ING5: variants seen among roughly 807,000 people sequenced by gnomAD.
ING5 encodes inhibitor of growth family member 5, also known as inhibitor of growth protein 5.
A neutral mutation model predicts 37.4 loss-of-function variants in ING5; 17 were observed. That is an observed-to-expected ratio of 0.45 (90% CI 0.31 to 0.68). ING5 has a LOEUF of 0.68. ING5 is among the 30% of genes least tolerant of loss of function. The pLI is 0.05. For synonymous variants in ING5, 123 were observed against 116.6 expected, an observed-to-expected ratio of 1.06 and a Z score of -0.36; for missense variants, 233 against 311.9, an observed-to-expected ratio of 0.75 and a Z score of 1.91.
chr2:241,707,819 C>G (rs934672612), intron 2 of ING5, among the ~76,000 whole-genome samples: 5 of 152,182 alleles, frequency 3.3e-5, no homozygotes, highest in African/African-American at 4.8e-5. Flanking sequence ...CTTTGTGACC[C>G]TCCTAGTCAT....
chr2:241,707,663 CAG>C (rs1339793726), intron 2 of ING5, among the ~76,000 whole-genome samples: 1 of 152,204 alleles, frequency 6.6e-6, no homozygotes, highest in Admixed American at 6.6e-5. Flanking sequence ...CTAGGGAATA[CAG>C]AGAGTTATTT....
At chr2:241,701,032 C>T (rs1211860676), upstream of ING5, among the ~76,000 whole-genome samples, 1 of 147,742 alleles carries the variant, frequency 6.8e-6, no homozygotes, top group African/African-American at 2.5e-5. Flanking sequence ...GGAGTGCAGA[C>T]GCGATCTCAG....
intron 5 of ING5, among the ~76,000 whole-genome samples, chr2:241,714,887 C>T (rs1052820038): frequency 3.3e-5 from 5 of 152,142 alleles, no homozygotes; most frequent in African/African-American, 4.8e-5. Context: ...TGAGCCACTG[C>T]GTCTGGCCGT....
intron 3 of ING5, 124 bp downstream of exon 3, chr2:241,709,506 G>A (rs772908267): frequency 1.7e-4 from 148 of 847,190 alleles, no homozygotes; most frequent in Non-Finnish European, 2.5e-4. Flanking sequence ...GGTAGCTGAC[G>A]CTGCTGGAGG....
chr2:241,721,589 C>T (rs561931250), intron 5 of ING5: 1 of 985,336 alleles, frequency 1.0e-6, no homozygotes, highest in Admixed American at 6.2e-5. Context: ...CAGACTTCTG[C>T]TCCTTGGCTT....
intron 2 of ING5, among the ~76,000 whole-genome samples, chr2:241,695,897 G>A (rs1388399890): frequency 6.6e-6 from 1 of 152,206 alleles, no homozygotes; most frequent in Non-Finnish European, 1.5e-5. Flanking sequence ...AAAGCAGGGT[G>A]AGTAAAGCAG....
intron 2 of ING5, among the ~76,000 whole-genome samples, chr2:241,695,425 C>T (rs1340621414): frequency 1.3e-5 from 2 of 152,160 alleles, no homozygotes; most frequent in African/African-American, 4.8e-5. Flanking sequence ...CGGTGGCTCA[C>T]GCCTGTAATC....
chr2:241,723,691 G>A, intron 7 of ING5: 3 of 1,450,040 alleles, frequency 2.1e-6, no homozygotes, highest in Non-Finnish European at 2.9e-6. Context: ...TGGATCTGGG[G>A]CTCTGCCCCT....
In ING5 at chr2:241,689,836, A is replaced by G. The variant is rs1408168663; in HGVS notation, c.-773-2A>G. On this transcript the variant is annotated splice_acceptor_variant, in intron 1 of 7. Transcript: ENST00000636051. LOFTEE classifies it low-confidence loss of function (5UTR_SPLICE). ...ATAAAATTCCATCTTGTTGCCTTCC[A>G]GAGGATGAAGGGGATTGTAGTAAGG... 1 of 150,838 alleles carries G rather than the reference A, an allele frequency of 6.6e-6. No individual in the cohort carries two copies. Among genetic ancestry groups the G allele is most frequent in the Non-Finnish European group, 1.5e-5 (1 of 67,958 alleles). 9.3% of individuals were successfully genotyped at this position (150,838 alleles called of 1,614,324 possible). A position where few individuals can be genotyped will look rare whatever the true frequency, so the allele number is the denominator to read the frequency against.
intron 2 of ING5, among the ~76,000 whole-genome samples, chr2:241,692,312 A>AT (rs940766894): frequency 6.6e-6 from 1 of 150,698 alleles, no homozygotes; most frequent in African/African-American, 2.4e-5. Context: ...TTTTATTTTA[A>AT]TTTTTTTTTC....
chr2:241,691,498 T>A (rs1422731965), intron 2 of ING5, among the ~76,000 whole-genome samples: 1 of 150,890 alleles, frequency 6.6e-6, no homozygotes, highest in Non-Finnish European at 1.5e-5. Context: ...TGCTAGTCCC[T>A]GTTTCTTAGT....
intron 1 of ING5, among the ~76,000 whole-genome samples, chr2:241,688,686 C>T (rs1233410514): frequency 1.3e-5 from 2 of 152,098 alleles, no homozygotes; most frequent in African/African-American, 2.4e-5. Flanking sequence ...TGCAGTGGCG[C>T]GATCTCAGCT....
chr2:241,700,441 G>A (rs1575118090), upstream of ING5, among the ~76,000 whole-genome samples: 1 of 151,422 alleles, frequency 6.6e-6, no homozygotes, highest in Admixed American at 6.6e-5. Context: ...ACAGGAGTGA[G>A]CCACCGCGCC....
chr2:241,723,841 C>T (rs746061343), intron 7 of ING5: 1 of 1,569,970 alleles, frequency 6.4e-7, no homozygotes, highest in South Asian at 1.1e-5. Context: ...GAGACCCCAA[C>T]TCTACAAAAA....
chr2:241,701,940 C>G, upstream of ING5: 2 of 492,874 alleles, frequency 4.1e-6, 1 homozygote, highest in Non-Finnish European at 6.2e-6. Context: ...CGTGTCCGAC[C>G]CCGCCCCCGG....
upstream of ING5, among the ~76,000 whole-genome samples, chr2:241,701,370 G>A (rs1471318527): frequency 6.6e-6 from 1 of 152,224 alleles, no homozygotes; most frequent in Non-Finnish European, 1.5e-5. Context: ...CAGATGGTGC[G>A]GGTCCTGCCT....
chr2:241,708,562 T>C (rs985904586), intron 2 of ING5, among the ~76,000 whole-genome samples: 1 of 152,230 alleles, frequency 6.6e-6, no homozygotes, highest in African/African-American at 2.4e-5. Flanking sequence ...TTTCTGCTCT[T>C]CATATTAATG....
upstream of ING5, among the ~76,000 whole-genome samples, chr2:241,697,674 C>CA (rs71406478): frequency 6.6e-6 from 1 of 151,604 alleles, no homozygotes; most frequent in African/African-American, 2.4e-5. Flanking sequence ...CCAGGGGCCT[C>CA]GGGAGGGGGA....
At chr2:241,687,646 G>A in exon 1 of ING5, 1 of 269,578 alleles carries the variant, frequency 3.7e-6, no homozygotes, top group East Asian at 6.0e-5. Context: ...TCCTGCCTCA[G>A]CCTCCCGAGT....
Sources: allele counts gnomAD v4.1 joint callset (sites outside exome capture counted in the v4.1 genomes callset), GRCh38; gene constraint gnomAD v4.1.1; transcripts MANE v1.5; gene names NCBI Gene and HGNC (gene_info 2026-07-23, HGNC 2026-07-21).